SLC19A1: variants seen among roughly 807,000 people sequenced by gnomAD.
SLC19A1 encodes solute carrier family 19 member 1.
A neutral mutation model predicts 35.3 loss-of-function variants in SLC19A1; 37 were observed. The observed-to-expected ratio is 1.05, with a 90% CI of 0.81 to 1.38. SLC19A1 has a LOEUF of 1.38. SLC19A1 is among the 40% of genes most tolerant of loss of function. The pLI is 0.00. For synonymous variants in SLC19A1, 460 were observed against 398.5 expected (o/e 1.15, Z -1.84); for missense variants, 831 against 826.9 (o/e 1.00, Z -0.06).
intron 1 of SLC19A1, among the ~76,000 whole-genome samples, chr21:45,557,909 T>C (rs1307849124): frequency 6.6e-6 from 1 of 152,148 alleles, no homozygotes; most frequent in African/African-American, 2.4e-5. Context: ...TGGGGAGTGA[T>C]AGTGTGATGC....
intron 3 of SLC19A1, chr21:45,504,562 T>A (rs1362560523): frequency 6.4e-7 from 1 of 1,565,096 alleles, no homozygotes; most frequent in Non-Finnish European, 8.6e-7. Flanking sequence ...TTCCAGTAAG[T>A]CCCAGCCTGT....
At chr21:45,526,681 C>T (rs182232910) in intron 4 of SLC19A1, among the ~76,000 whole-genome samples, 1 of 152,368 alleles carries the variant, frequency 6.6e-6, no homozygotes, top group East Asian at 1.9e-4. Flanking sequence ...AAGCAATTCT[C>T]CTGTCTCAGC....
At chr21:45,527,302 G>A (rs1354740133) in intron 4 of SLC19A1, among the ~76,000 whole-genome samples, 2 of 150,920 alleles carry the variant, frequency 1.3e-5, no homozygotes, top group South Asian at 2.1e-4. Context: ...TGCCCGGGCA[G>A]GCCCTGGAGG....
upstream of SLC19A1, chr21:45,543,710 G>A (rs1208796426): frequency 1.3e-5 from 2 of 152,450 alleles, no homozygotes; most frequent in Non-Finnish European, 2.9e-5. Context: ...GGATTTGTTG[G>A]CTGGAAATGG....
intron 3 of SLC19A1, chr21:45,506,871 C>G (rs2037240460): frequency 5.2e-6 from 1 of 190,748 alleles, no homozygotes; most frequent in Admixed American, 5.4e-5. Flanking sequence ...TGCAGCACCC[C>G]AGACAGTGAA....
At chr21:45,535,342 A>T (rs1192534039) in intron 2 of SLC19A1, among the ~76,000 whole-genome samples, 3 of 152,256 alleles carry the variant, frequency 2.0e-5, no homozygotes, top group African/African-American at 7.2e-5. Context: ...GGCCAAATTC[A>T]AAATGACTCC....
At chr21:45,550,680 TTCG>T (rs1267286729) in intron 1 of SLC19A1, among the ~76,000 whole-genome samples, 1 of 152,210 alleles carries the variant, frequency 6.6e-6, no homozygotes, top group Admixed American at 6.5e-5. Context: ...GCATGCAGAT[TTCG>T]TCGTCTTCTT....
In SLC19A1 at chr21:45,540,876, C is replaced by T. The variant is rs2078283486; in HGVS notation, c.-50+1492G>A. 1.3e-5 allele frequency among the ~76,000 whole-genome samples: 2 copies of T among 152,172 alleles called. No homozygotes were observed. The highest frequency in any genetic ancestry group is 4.1e-4 in the South Asian group (2 of 4,830). On this transcript the variant is annotated intron_variant, in intron 1 of 5. Transcript: ENST00000311124. The surrounding 1 kb of genome is among the most constrained non-coding windows in gnomAD (Gnocchi z 5.5). ...CCACAGTGACCAGCCCCACCCAGGC[C>T]CTGTCCTTCCAAGCACCAGAGAAGG... is the stretch of plus-strand genomic sequence containing the variant.
chr21:45,552,876 G>A (rs1297001437), intron 1 of SLC19A1, among the ~76,000 whole-genome samples: 3 of 151,520 alleles, frequency 2.0e-5, no homozygotes, highest in African/African-American at 2.4e-5. Context: ...CGACGGCTGT[G>A]TGCTATAATC....
Position 45,515,663 on chromosome 21 carries a change from G to C in SLC19A1, c.1771C>G (p.Gln591Glu), listed in dbSNP as rs577901180. The C allele has an allele frequency of 4.3e-6, 7 of 1,613,480 alleles. No individual in the cohort carries two copies. Among genetic ancestry groups the C allele is most frequent in the South Asian group, 1.1e-5 (1 of 91,052 alleles). The change falls in exon 6 of 6, where the codon CAG becomes GAG. Residue 591 changes from glutamine (Q) to glutamate (E), a missense_variant. Transcript: ENST00000311124. ...ACCACAGGGGCGCCCGAGAGTCACT[G>C]GTTCACATTCTGAACACCGTCGCTT... is the stretch of plus-strand genomic sequence containing the variant. ...LPSDGVQNVN[Q>E] is the part of the protein sequence containing the mutation.
At chr21:45,537,266 C>T (rs994739106) in intron 2 of SLC19A1, among the ~76,000 whole-genome samples, 3 of 152,132 alleles carry the variant, frequency 2.0e-5, no homozygotes, top group Non-Finnish European at 2.9e-5. Flanking sequence ...TGATGGTGCC[C>T]GCTGCTGGGA....
intron 4 of SLC19A1, among the ~76,000 whole-genome samples, chr21:45,529,644 G>T (rs542073194): frequency 6.6e-6 from 1 of 151,254 alleles, no homozygotes; most frequent in East Asian, 2.0e-4. Flanking sequence ...AACGTGTGGT[G>T]TGTCCATGTG....
intron 4 of SLC19A1, among the ~76,000 whole-genome samples, chr21:45,527,141 G>C (rs1251471770): frequency 2.6e-5 from 4 of 151,982 alleles, no homozygotes; most frequent in South Asian, 2.1e-4. Context: ...AGGCAGGGCA[G>C]GCCCTGGAGT....
intron 3 of SLC19A1, chr21:45,505,381 G>A (rs2037134789): frequency 6.3e-7 from 1 of 1,591,260 alleles, no homozygotes. Flanking sequence ...CGGCCCTCCG[G>A]GCCCCCCTGG....
At position 45,515,117 on chromosome 21, in the gene SLC19A1, CCA is replaced by C; in HGVS notation, c.*539_*540del. The C allele has an allele frequency of 6.5e-7, 1 of 1,542,298 alleles. No homozygotes were observed. The highest frequency in any genetic ancestry group is 8.7e-7 in the Non-Finnish European group (1 of 1,144,572). ...CTGCCGCCAACCTGAGATGGCTTTT[CCA>C]CAGAGACAGAGAAGCCACATGCAGT... On this transcript the variant is annotated 3_prime_UTR_variant, in exon 6 of 6. Coordinates refer to ENST00000311124, the MANE Select transcript of SLC19A1 (RefSeq NM_194255.4).
downstream of SLC19A1, chr21:45,510,092 T>C (rs2037488547): frequency 1.2e-5 from 19 of 1,585,600 alleles, no homozygotes; most frequent in Middle Eastern, 2.0e-4. Flanking sequence ...AACAGCCCCC[T>C]GTCAGGCGGC....
chr21:45,519,454 A>C (rs1315782550), intron 5 of SLC19A1, among the ~76,000 whole-genome samples: 1 of 152,062 alleles, frequency 6.6e-6, no homozygotes, highest in African/African-American at 2.4e-5. Context: ...CTCACTTCAA[A>C]TATACCAAGA....
intron 3 of SLC19A1, chr21:45,507,329 G>T: frequency 1.7e-6 from 1 of 602,038 alleles, no homozygotes; most frequent in East Asian, 3.0e-5. Flanking sequence ...TGGGCTGGCA[G>T]GGCCGGGTGC....
At chr21:45,509,303 A>C, downstream of SLC19A1, 1 of 1,534,614 alleles carries the variant, frequency 6.5e-7, no homozygotes, top group East Asian at 2.4e-5. Flanking sequence ...CAGATGGAGG[A>C]GGGGCACCCG....
Sources: gnomAD v4.1 joint callset for allele counts (sites outside exome capture counted in the v4.1 genomes callset) on GRCh38, gnomAD v4.1.1 for gene constraint, Gnocchi (gnomAD v3.1) non-coding constraint, MANE v1.5 for transcripts, NCBI Gene and HGNC (gene_info 2026-07-23, HGNC 2026-07-21) for gene names.